The following DPP6 variants were observed in gnomAD, a reference collection of about 807,000 sequenced individuals.
DPP6 encodes the protein dipeptidyl peptidase like 6, also known as A-type potassium channel modulatory protein DPP6.
A neutral mutation model predicts 122.6 loss-of-function variants in DPP6; 69 were observed. That is an observed-to-expected ratio of 0.56 (90% CI 0.46 to 0.69). The LOEUF (loss-of-function observed/expected upper bound fraction) is 0.69, where lower values mean the gene tolerates loss of function less well. Among genes scored for constraint, DPP6 ranks in the 30% least tolerant of loss-of-function variants. The pLI is 0.00. For synonymous variants in DPP6, 418 were observed against 433.1 expected (o/e 0.97, Z 0.43); for missense variants, 928 against 1,116.9 (o/e 0.83, Z 2.41).
At chr7:153,974,188 G>T (rs1437973770) in intron 1 of DPP6, among the ~76,000 whole-genome samples, 2 of 152,168 alleles carry the variant, frequency 1.3e-5, no homozygotes, top group South Asian at 2.1e-4. Flanking sequence ...ACTGCAGGAT[G>T]GCATCCTTGA....
At chr7:154,509,546 C>T (rs1234691334) in intron 3 of DPP6, among the ~76,000 whole-genome samples, 2 of 152,110 alleles carry the variant, frequency 1.3e-5, no homozygotes, top group African/African-American at 4.8e-5. Context: ...AATGGTGTAA[C>T]CACTTTGGAA....
At chr7:153,988,888 C>A (rs950837318) in intron 1 of DPP6, among the ~76,000 whole-genome samples, 1 of 149,542 alleles carries the variant, frequency 6.7e-6, no homozygotes, top group Admixed American at 6.7e-5. Context: ...GCTGGGAGAG[C>A]GGTGATGTAT....
chr7:153,862,988 T>C, the DPP6 span, among the ~76,000 whole-genome samples: 1 of 151,998 alleles, frequency 6.6e-6, no homozygotes, highest in East Asian at 1.9e-4. Flanking sequence ...ACAGGAAAAA[T>C]GATATATAAG....
intron 7 of DPP6, among the ~76,000 whole-genome samples, chr7:154,675,712 TCA>T (rs1838855971): frequency 6.6e-6 from 1 of 152,156 alleles, no homozygotes; most frequent in African/African-American, 2.4e-5. Context: ...GATGGCACAT[TCA>T]CCTATTGGCA....
At chr7:154,401,397 A>ACC (rs1239155426) in intron 1 of DPP6, among the ~76,000 whole-genome samples, 1 of 151,134 alleles carries the variant, frequency 6.6e-6, no homozygotes, top group Non-Finnish European at 1.5e-5. Context: ...GTTCAGTACA[A>ACC]CCCCAAATTA....
rs1806420959 is a variant in DPP6 at position 154,889,397 on chromosome 7, G to C, written c.2377+53G>C. On this transcript the variant is annotated intron_variant, in intron 24 of 25. Transcript: ENST00000377770. ...TGTATCTAGTAAGAGCCTCCTCCTT[G>C]ATGGCACCATGGGTTTTAACAAATG... The C allele has an allele frequency of 5.0e-6, 8 of 1,605,698 alleles. No individual in the cohort carries two copies. In the East Asian group the frequency reaches 1.3e-4, roughly 27 times the overall value.
At chr7:154,855,295 A>G (rs1802736861) in intron 17 of DPP6, among the ~76,000 whole-genome samples, 1 of 152,176 alleles carries the variant, frequency 6.6e-6, no homozygotes, top group African/African-American at 2.4e-5. Flanking sequence ...TAATCATAAA[A>G]CCAGAAATAA....
chr7:153,967,725 C>T (rs979938459), intron 1 of DPP6, among the ~76,000 whole-genome samples: 10 of 152,014 alleles, frequency 6.6e-5, no homozygotes, highest in East Asian at 1.9e-4. Context: ...TGTGTGCATG[C>T]GAGATAGTTT....
intron 7 of DPP6, among the ~76,000 whole-genome samples, chr7:154,678,242 G>C (rs1428849828): frequency 2.0e-5 from 3 of 152,210 alleles, no homozygotes; most frequent in African/African-American, 7.2e-5. Context: ...CCCAACAGCT[G>C]CAACCCGCAG....
chr7:154,229,347 A>T (rs1302134823), intron 1 of DPP6, among the ~76,000 whole-genome samples: 2 of 152,138 alleles, frequency 1.3e-5, no homozygotes, highest in Middle Eastern at 3.2e-3. Flanking sequence ...TTTGTTGAAA[A>T]TTTCCATTGA....
At chr7:154,358,829 C>T (rs374858456) in intron 1 of DPP6, among the ~76,000 whole-genome samples, 1 of 152,114 alleles carries the variant, frequency 6.6e-6, no homozygotes, top group Non-Finnish European at 1.5e-5. Flanking sequence ...CCTCAGCCTC[C>T]CAAGTGGCTG....
intron 17 of DPP6, among the ~76,000 whole-genome samples, chr7:154,867,321 G>A (rs1803964995): frequency 6.6e-6 from 1 of 152,178 alleles, no homozygotes; most frequent in African/African-American, 2.4e-5. Context: ...AGATAACGAG[G>A]ACGTGTGTGT....
At chr7:154,786,372 A>G (rs1797334925) in intron 10 of DPP6, among the ~76,000 whole-genome samples, 1 of 152,188 alleles carries the variant, frequency 6.6e-6, no homozygotes, top group South Asian at 2.1e-4. Flanking sequence ...CTATGTCCCC[A>G]CCCAAATCTC....
At chr7:153,841,389 C>T in the DPP6 span, among the ~76,000 whole-genome samples, 2 of 152,178 alleles carry the variant, frequency 1.3e-5, no homozygotes, top group African/African-American at 4.8e-5. Flanking sequence ...TCTTCAAGAT[C>T]CAAGATTTCG....
At chr7:154,196,109 CTG>C (rs751786352) in intron 1 of DPP6, among the ~76,000 whole-genome samples, 5 of 152,232 alleles carry the variant, frequency 3.3e-5, no homozygotes, top group Non-Finnish European at 7.3e-5. Context: ...CCTCTCTGTT[CTG>C]TGTTTCCCCA....
At chr7:153,797,648 C>T in the DPP6 span, among the ~76,000 whole-genome samples, 1 of 152,092 alleles carries the variant, frequency 6.6e-6, no homozygotes, top group Non-Finnish European at 1.5e-5. Flanking sequence ...TTGCTGTAAC[C>T]AACTACCACA....
chr7:154,413,347 A>G (rs1339907393), intron 1 of DPP6, among the ~76,000 whole-genome samples: 1 of 152,330 alleles, frequency 6.6e-6, no homozygotes, highest in East Asian at 1.9e-4. Flanking sequence ...GGCTGTTTCT[A>G]TGGATCTTTG....
At chr7:153,924,702 CTTG>C (rs1357713983) in intron 1 of DPP6, among the ~76,000 whole-genome samples, 7 of 152,134 alleles carry the variant, frequency 4.6e-5, no homozygotes, top group African/African-American at 1.4e-4. Context: ...GACCATCTGC[CTTG>C]TTGTTGATCT....
chr7:154,247,772 A>G (rs1802080353), intron 1 of DPP6, among the ~76,000 whole-genome samples: 1 of 152,250 alleles, frequency 6.6e-6, no homozygotes, highest in Admixed American at 6.5e-5. Context: ...AACAGCAATG[A>G]AAACATGTCC....
Sources: gnomAD v4.1 joint callset for allele counts (sites outside exome capture counted in the v4.1 genomes callset) on GRCh38, gnomAD v4.1.1 for gene constraint, MANE v1.5 for transcripts, NCBI Gene and HGNC (gene_info 2026-07-23, HGNC 2026-07-21) for gene names.